Variants in CTNND2 observed in about 807,000 individuals in gnomAD.
CTNND2 encodes the protein catenin delta-2.
In CTNND2, 22 loss-of-function variants were observed where a neutral mutation model predicts 144.4. The observed-to-expected ratio is 0.15, with a 90% CI of 0.11 to 0.22. The LOEUF is 0.22. CTNND2 is among the 10% of genes least tolerant of loss of function. The probability of loss-of-function intolerance (pLI) is 1.00; values close to 1 mark genes in which losing one functional copy is unlikely to be tolerated. For missense variants in CTNND2, 1,353 were observed against 1,618.8 expected, an observed-to-expected ratio of 0.84 and a Z score of 2.82; for synonymous variants, 751 against 695.6, an observed-to-expected ratio of 1.08 and a Z score of -1.25.
rs867791450 is a variant in CTNND2 at position 11,385,009 on chromosome 5, G to A, written c.833C>T (p.Thr278Ile). 8.8e-6 allele frequency: 13 copies of A among 1,478,436 alleles called. No homozygotes were observed. The highest frequency in any genetic ancestry group is 4.8e-4 in the Middle Eastern group (2 of 4,140). 91.6% of individuals were successfully genotyped at this position (1,478,436 alleles called of 1,614,324 possible). A position where few individuals can be genotyped will look rare whatever the true frequency, so the allele number is the denominator to read the frequency against. Residue 278 changes from threonine (T) to isoleucine (I), a missense_variant, in exon 7 of 22, where the codon ACC becomes ATC. Physicochemically the swap from Thr to Ile is moderately conservative, Grantham distance 89. Around this residue, in one of 4 missense-constraint regions of CTNND2, gnomAD observed 708 missense variants for 706.4 expected, o/e 1.00. Transcript: ENST00000304623. ...GGCCGAGCCGCCGCGCTGCAGCTTG[G>A]TGGGCGAACCGCCCTGGGGCGCGGC... ...PLAAPQGGSP[T>I]KLQRGGSAPE... is the part of the protein sequence containing the mutation.
At chr5:11,232,533 G>T (rs950829229) in intron 10 of CTNND2, among the ~76,000 whole-genome samples, 3 of 152,348 alleles carry the variant, frequency 2.0e-5, no homozygotes, top group African/African-American at 7.2e-5. Flanking sequence ...CATGGGGCCT[G>T]TAGCCCCCTT....
chr5:11,485,325 C>CAG (rs748159759), intron 3 of CTNND2, among the ~76,000 whole-genome samples: 22 of 150,040 alleles, frequency 1.5e-4, no homozygotes, highest in East Asian at 1.2e-3. Context: ...CACTTCTTAA[C>CAG]AGAGAGAGAG....
At chr5:11,274,654 T>C (rs1746349163) in intron 9 of CTNND2, among the ~76,000 whole-genome samples, 1 of 151,926 alleles carries the variant, frequency 6.6e-6, no homozygotes, top group Admixed American at 6.6e-5. Flanking sequence ...ATTTAATCTA[T>C]TGGAAATAGA....
intron 13 of CTNND2, among the ~76,000 whole-genome samples, chr5:11,113,152 C>T (rs1354512485): frequency 1.3e-5 from 2 of 151,682 alleles, no homozygotes; most frequent in Admixed American, 1.3e-4. Flanking sequence ...AAAAGAAAAA[C>T]AAAAAAACAA....
At chr5:11,353,251 C>A (rs1755514209) in intron 8 of CTNND2, among the ~76,000 whole-genome samples, 1 of 152,064 alleles carries the variant, frequency 6.6e-6, no homozygotes, top group Non-Finnish European at 1.5e-5. Flanking sequence ...TTAACATCAT[C>A]CTCATTAGGT....
chr5:11,746,873 G>A (rs1360625318), intron 1 of CTNND2, among the ~76,000 whole-genome samples: 1 of 152,052 alleles, frequency 6.6e-6, no homozygotes, highest in African/African-American at 2.4e-5. Context: ...GCACATAAAT[G>A]TCCTATAACT....
intron 1 of CTNND2, among the ~76,000 whole-genome samples, chr5:11,888,279 G>A (rs986641954): frequency 4.6e-5 from 7 of 152,160 alleles, no homozygotes; most frequent in Admixed American, 1.3e-4. Flanking sequence ...ACAACCTTAC[G>A]ACTAGGCTAA....
At chr5:11,449,244 A>G (rs865851101) in intron 3 of CTNND2, among the ~76,000 whole-genome samples, 4 of 152,224 alleles carry the variant, frequency 2.6e-5, no homozygotes, top group Admixed American at 6.5e-5. Flanking sequence ...ATAAATGTCT[A>G]TAAGAGAAAC....
chr5:11,354,705 A>G (rs1755683493), intron 8 of CTNND2, among the ~76,000 whole-genome samples: 3 of 152,168 alleles, frequency 2.0e-5, no homozygotes, highest in Admixed American at 2.0e-4. Flanking sequence ...CCAGACAGAA[A>G]TCAATAAGGA....
intron 3 of CTNND2, among the ~76,000 whole-genome samples, chr5:11,484,485 A>G (rs1411164263): frequency 6.6e-6 from 1 of 152,194 alleles, no homozygotes; most frequent in Non-Finnish European, 1.5e-5. Context: ...TAGAGACAGC[A>G]CATTTCTGTA....
chr5:11,814,380 C>T lies in CTNND2; in HGVS notation c.38-82108G>A, dbSNP rs1344570086. On this transcript the variant is annotated intron_variant, in intron 1 of 21. Coordinates refer to ENST00000304623, the MANE Select transcript of CTNND2 (RefSeq NM_001332.4). The stretch of plus-strand genomic sequence containing the variant: ...TAAAACATGTGGTAGAGGACAGCAG[C>T]TCAAGCCCACATGAGTGGGATATCA... 2.0e-5 allele frequency among the ~76,000 whole-genome samples: 3 copies of T among 152,364 alleles called. No homozygotes were observed. The South Asian group carries it at 6.2e-4, about 32-fold the overall frequency.
intron 2 of CTNND2, among the ~76,000 whole-genome samples, chr5:11,721,771 GTTTCT>G (rs1786700573): frequency 6.6e-6 from 1 of 152,216 alleles, no homozygotes; most frequent in Non-Finnish European, 1.5e-5. Flanking sequence ...ATGGTGACTG[GTTTCT>G]AAGAATGAGC....
At chr5:11,637,362 A>C (rs568611794) in intron 2 of CTNND2, among the ~76,000 whole-genome samples, 111 of 152,346 alleles carry the variant, frequency 7.3e-4, no homozygotes, top group African/African-American at 2.6e-3. Flanking sequence ...CATATGCCAC[A>C]ATGCCAGTTG....
At chr5:11,677,673 C>A (rs1784237093) in intron 2 of CTNND2, among the ~76,000 whole-genome samples, 1 of 152,060 alleles carries the variant, frequency 6.6e-6, no homozygotes, top group Admixed American at 6.6e-5. Flanking sequence ...AAAAAGGGTA[C>A]ACAATGAAAG....
intron 3 of CTNND2, among the ~76,000 whole-genome samples, chr5:11,505,209 A>G (rs1770908324): frequency 6.6e-6 from 1 of 152,000 alleles, no homozygotes; most frequent in Non-Finnish European, 1.5e-5. Context: ...AAAAAAAAAA[A>G]AGTCGAGAAA....
chr5:11,647,966 G>C (rs73743006), intron 2 of CTNND2, among the ~76,000 whole-genome samples: 1,803 of 152,232 alleles, frequency 0.012, 30 homozygotes, highest in African/African-American at 0.042. Flanking sequence ...AAAGGAGCAG[G>C]CTTGCTTGGC....
intron 15 of CTNND2, among the ~76,000 whole-genome samples, chr5:11,088,776 A>T (rs1750447203): frequency 6.6e-6 from 1 of 152,158 alleles, no homozygotes; most frequent in Non-Finnish European, 1.5e-5. Context: ...TTTTACTAAG[A>T]TAGTGTGTTT....
chr5:11,127,799 T>C (rs1398487968), intron 12 of CTNND2, among the ~76,000 whole-genome samples: 1 of 152,096 alleles, frequency 6.6e-6, no homozygotes, highest in East Asian at 1.9e-4. Context: ...CCAGCTCGGA[T>C]TTGGATGATT....
chr5:11,851,272 T>TGC (rs1296417964), intron 1 of CTNND2, among the ~76,000 whole-genome samples: 2 of 151,980 alleles, frequency 1.3e-5, no homozygotes, highest in East Asian at 1.9e-4. Context: ...TGCGTGTGTG[T>TGC]GCGTATGTGG....
Sources: allele counts gnomAD v4.1 joint callset (sites outside exome capture counted in the v4.1 genomes callset), GRCh38; gene constraint gnomAD v4.1.1; regional missense constraint gnomAD v4.1.1; transcripts MANE v1.5; gene names NCBI Gene and HGNC (gene_info 2026-07-23, HGNC 2026-07-21).